The following GPR89B variants were observed in gnomAD, a reference collection of about 807,000 sequenced individuals.
The protein encoded by GPR89B is G protein-coupled receptor 89B.
In GPR89B, 25 loss-of-function variants were observed where a neutral mutation model predicts 52.4. That is an observed-to-expected ratio of 0.48 (90% confidence interval 0.35 to 0.67). The LOEUF is 0.67. Ranked by LOEUF, GPR89B falls within the 30% of genes least tolerant of loss-of-function variation. The pLI is 0.01. For synonymous variants in GPR89B, 52 were observed against 151.2 expected, an observed-to-expected ratio of 0.34 and a Z score of 4.81; for missense variants, 146 against 450.2, an observed-to-expected ratio of 0.32 and a Z score of 6.11.
intron 3 of GPR89B, among the ~76,000 whole-genome samples, chr1:147,941,422 T>C (rs1273455793): frequency 2.6e-5 from 4 of 151,556 alleles, no homozygotes; most frequent in Admixed American, 2.6e-4. Context: ...TAGGTTAACC[T>C]AGAGGAGCAA....
intron 2 of GPR89B, among the ~76,000 whole-genome samples, chr1:147,937,789 A>G (rs1472716829): frequency 6.6e-6 from 1 of 152,192 alleles, no homozygotes; most frequent in Non-Finnish European, 1.5e-5. Context: ...GTTCAAACAC[A>G]CATGTTTTGC....
chr1:147,928,452 G>C lies in GPR89B; in HGVS notation c.-85G>C. 1 of 1,542,944 alleles carries C rather than the reference G, an allele frequency of 6.5e-7. No individual in the cohort carries two copies. The highest frequency in any genetic ancestry group is 2.3e-5 in the East Asian group (1 of 44,410). On this transcript the variant is annotated 5_prime_UTR_variant, in exon 1 of 14. Transcript: ENST00000314163. ...CGGCTGCAGCACCTGGGAGAAGGCA[G>C]ACCGTGTGAGGGGGCCTGTGGCCCC...
At chr1:147,967,956 A>G (rs1657150466) in intron 8 of GPR89B, 5 of 293,782 alleles carry the variant, frequency 1.7e-5, no homozygotes, top group South Asian at 1.3e-4. Flanking sequence ...AGTAGCCACT[A>G]TTAAGGAAGG....
the GPR89B span, among the ~76,000 whole-genome samples, chr1:148,020,567 G>A: frequency 6.6e-6 from 1 of 150,670 alleles, no homozygotes; most frequent in Non-Finnish European, 1.5e-5. Context: ...TGTGCCCTGT[G>A]GGTTTTACAT....
chr1:148,003,307 G>A, the GPR89B span, among the ~76,000 whole-genome samples: 1 of 151,930 alleles, frequency 6.6e-6, no homozygotes, highest in African/African-American at 2.4e-5. Context: ...AAGGAAGGAG[G>A]ACTCCTGGTT....
At chr1:148,014,187 C>T in the GPR89B span, among the ~76,000 whole-genome samples, 3 of 151,442 alleles carry the variant, frequency 2.0e-5, no homozygotes, top group East Asian at 1.9e-4. Context: ...CAAGAGCCGC[C>T]GTTGCAGGCG....
downstream of GPR89B, among the ~76,000 whole-genome samples, chr1:147,996,185 C>T (rs1276481708): frequency 3.9e-5 from 6 of 152,218 alleles, no homozygotes; most frequent in East Asian, 9.7e-4. Flanking sequence ...TATAGGGATT[C>T]TTATCAGTCC....
At chr1:148,021,293 G>C in the GPR89B span, among the ~76,000 whole-genome samples, 9 of 151,600 alleles carry the variant, frequency 5.9e-5, no homozygotes, top group Non-Finnish European at 1.3e-4. Flanking sequence ...ACGAGGTCAG[G>C]AGATCGAGAC....
intron 5 of GPR89B, among the ~76,000 whole-genome samples, chr1:147,950,972 A>AGAT (rs1655639216): frequency 6.6e-6 from 1 of 152,138 alleles, no homozygotes; most frequent in South Asian, 2.1e-4. Flanking sequence ...GGGGAGAGGG[A>AGAT]GAGGGAGAGG....
At chr1:147,937,686 C>A (rs192638772) in intron 2 of GPR89B, among the ~76,000 whole-genome samples, 1 of 152,118 alleles carries the variant, frequency 6.6e-6, no homozygotes, top group African/African-American at 2.4e-5. Flanking sequence ...TTCTGCCCAA[C>A]CCTGCAAGCA....
chr1:147,958,297 C>T (rs1288144549), intron 7 of GPR89B, among the ~76,000 whole-genome samples: 6 of 151,856 alleles, frequency 4.0e-5, no homozygotes, highest in Admixed American at 3.3e-4. Context: ...ATAAACAATA[C>T]TATTTTGATT....
the GPR89B span, chr1:148,014,906 C>A: frequency 1.3e-5 from 2 of 151,716 alleles, no homozygotes; most frequent in Non-Finnish European, 1.5e-5. Flanking sequence ...TTCAGAATCA[C>A]CCAGTGAACG....
chr1:148,006,961 C>G, the GPR89B span, among the ~76,000 whole-genome samples: 1 of 151,752 alleles, frequency 6.6e-6, no homozygotes, highest in African/African-American at 2.4e-5. Context: ...AGGTAATCCA[C>G]TCGCCTCGCA....
rs782357257 is a variant in GPR89B, at chr1:147,943,557, C to A, written c.313+13C>A. ...AATATCCGACTACGTAAGTATTTTACCCTCTCAGTCAGCGTATAGATTGAG... is the reference window on the plus strand; with the variant it reads ...AATATCCGACTACGTAAGTATTTTAACCTCTCAGTCAGCGTATAGATTGAG... On this transcript the variant is annotated intron_variant, in intron 4 of 13. Coordinates refer to ENST00000314163, the MANE Select transcript of GPR89B (RefSeq NM_016334.5). 5.3e-5 allele frequency: 85 copies of A among 1,613,262 alleles called. No individual in the cohort carries two copies. In the East Asian group the frequency reaches 1.2e-3, roughly 23 times the overall value.
At chr1:148,025,273 CTAATTG>C in the GPR89B span, among the ~76,000 whole-genome samples, 1 of 151,812 alleles carries the variant, frequency 6.6e-6, no homozygotes, top group Admixed American at 6.6e-5. Flanking sequence ...GTGTGCTTTC[CTAATTG>C]TAGAATGAGC....
chr1:148,014,850 G>A, the GPR89B span: 2 of 151,892 alleles, frequency 1.3e-5, no homozygotes, highest in African/African-American at 4.9e-5. Context: ...GCTTACAGTG[G>A]ACGAGGGGCA....
intron 1 of GPR89B, among the ~76,000 whole-genome samples, chr1:147,932,049 T>TA (rs1653674584): frequency 6.6e-6 from 1 of 152,182 alleles, no homozygotes; most frequent in Non-Finnish European, 1.5e-5. Context: ...TTTGCTTGTT[T>TA]TCTCTTCCAT....
chr1:147,949,135 A>G (rs1284771831), intron 5 of GPR89B, among the ~76,000 whole-genome samples: 1 of 152,084 alleles, frequency 6.6e-6, no homozygotes, highest in East Asian at 1.9e-4. Context: ...TACAGAACAA[A>G]ATGAAAAGTC....
intron 10 of GPR89B, among the ~76,000 whole-genome samples, chr1:147,972,339 C>G (rs2149080360): frequency 6.6e-6 from 1 of 151,284 alleles, no homozygotes; most frequent in East Asian, 1.9e-4. Context: ...TGAGTAGGCA[C>G]TTAGGAGTGG....
Sources: gnomAD v4.1 joint callset for allele counts (sites outside exome capture counted in the v4.1 genomes callset) on GRCh38, gnomAD v4.1.1 for gene constraint, MANE v1.5 for transcripts, NCBI Gene and HGNC (gene_info 2026-07-23, HGNC 2026-07-21) for gene names.